DGKI: variants seen among roughly 807,000 people sequenced by gnomAD.
DGKI encodes diacylglycerol kinase iota, also known as DAG kinase iota.
In DGKI, 55 loss-of-function variants were observed where a neutral mutation model predicts 147.5. The observed-to-expected ratio is 0.37, with a 90% confidence interval of 0.30 to 0.47. The LOEUF (loss-of-function observed/expected upper bound fraction) is 0.47. Ranked by LOEUF, DGKI falls within the 20% of genes least tolerant of loss-of-function variation. The pLI is 1.00. For synonymous variants in DGKI, 469 were observed against 477.1 expected, an observed-to-expected ratio of 0.98 and a Z score of 0.22; for missense variants, 1,007 against 1,323.8, an observed-to-expected ratio of 0.76 and a Z score of 3.71.
At chr7:137,416,476 C>T (rs1731970) in intron 28 of DGKI, among the ~76,000 whole-genome samples, 142,753 of 152,238 alleles carry the variant, frequency 0.94, 67,596 homozygotes, top group East Asian at 1. Flanking sequence ...CTTTGTGTTG[C>T]CACATCTGAG....
At chr7:137,836,676 G>C (rs751709777) in intron 1 of DGKI, among the ~76,000 whole-genome samples, 5 of 152,136 alleles carry the variant, frequency 3.3e-5, no homozygotes, top group Non-Finnish European at 7.3e-5. Flanking sequence ...TTGGCCCCAG[G>C]AAACTGGATT....
intron 1 of DGKI, among the ~76,000 whole-genome samples, chr7:137,714,728 T>C (rs912295680): frequency 1.3e-5 from 2 of 152,196 alleles, no homozygotes; most frequent in African/African-American, 4.8e-5. Flanking sequence ...ATATTATCTC[T>C]AAAATTACTC....
At chr7:137,547,532 T>C (rs1817905477) in intron 20 of DGKI, among the ~76,000 whole-genome samples, 1 of 152,212 alleles carries the variant, frequency 6.6e-6, no homozygotes, top group Admixed American at 6.5e-5. Flanking sequence ...ACATTTGATA[T>C]TAGTTTTATA....
chr7:137,485,333 G>C, intron 23 of DGKI, 41 bp downstream of exon 23: 5 of 1,499,218 alleles, frequency 3.3e-6, no homozygotes, highest in Non-Finnish European at 4.6e-6. Context: ...GACTTCATTT[G>C]GCCAGAAGGT....
intron 1 of DGKI, among the ~76,000 whole-genome samples, chr7:137,803,431 A>T (rs1358933661): frequency 6.6e-6 from 1 of 152,182 alleles, no homozygotes; most frequent in African/African-American, 2.4e-5. Flanking sequence ...TGTTAAAAAG[A>T]TCCTCATATG....
At chr7:137,468,024 T>C (rs1211320887) in intron 24 of DGKI, among the ~76,000 whole-genome samples, 2 of 149,950 alleles carry the variant, frequency 1.3e-5, no homozygotes, top group Admixed American at 6.6e-5. Context: ...AAAAGAATTA[T>C]GTGCTTCTCA....
chr7:137,713,763 C>T (rs1794286238), intron 1 of DGKI, among the ~76,000 whole-genome samples: 1 of 152,054 alleles, frequency 6.6e-6, no homozygotes, highest in Non-Finnish European at 1.5e-5. Context: ...CACCTCGGTG[C>T]CTCAAGTAGC....
intron 2 of DGKI, among the ~76,000 whole-genome samples, chr7:137,679,263 TC>T: frequency 6.6e-6 from 1 of 152,332 alleles, no homozygotes; most frequent in Non-Finnish European, 1.5e-5. Flanking sequence ...TCTCAATTTT[TC>T]AAACTAAATG....
chr7:137,681,415 G>A (rs894083619), intron 2 of DGKI, among the ~76,000 whole-genome samples: 3 of 152,160 alleles, frequency 2.0e-5, no homozygotes, highest in African/African-American at 7.2e-5. Flanking sequence ...AAAAAAAGTA[G>A]AAAGGCACTT....
chr7:137,683,645 A>G (rs867741694), intron 2 of DGKI, among the ~76,000 whole-genome samples: 1 of 152,180 alleles, frequency 6.6e-6, no homozygotes, highest in Non-Finnish European at 1.5e-5. Flanking sequence ...TTCTCTACAC[A>G]TGCATCTCGA....
chr7:137,762,334 T>C (rs1196335930), intron 1 of DGKI, among the ~76,000 whole-genome samples: 1 of 152,228 alleles, frequency 6.6e-6, no homozygotes, highest in East Asian at 1.9e-4. Flanking sequence ...GTGATTCTAA[T>C]GATCAGGTAA....
At chr7:137,647,796 G>C (rs1319842851) in intron 5 of DGKI, among the ~76,000 whole-genome samples, 1 of 152,200 alleles carries the variant, frequency 6.6e-6, no homozygotes, top group African/African-American at 2.4e-5. Flanking sequence ...AGGAATAAGG[G>C]TTAGGGAGAA....
chr7:137,398,971 C>A (rs1390137665), intron 30 of DGKI, among the ~76,000 whole-genome samples: 3 of 149,826 alleles, frequency 2.0e-5, no homozygotes, highest in Non-Finnish European at 4.4e-5. Flanking sequence ...TCATCTGGAA[C>A]TACATTTCCT....
At chr7:137,588,621 C>T (rs529771942) in intron 12 of DGKI, among the ~76,000 whole-genome samples, 2 of 152,104 alleles carry the variant, frequency 1.3e-5, no homozygotes, top group East Asian at 3.9e-4. Flanking sequence ...GGACTACAGG[C>T]GTATGCCACC....
At chr7:137,428,476 CT>C (rs2128909866) in intron 28 of DGKI, among the ~76,000 whole-genome samples, 1 of 152,276 alleles carries the variant, frequency 6.6e-6, no homozygotes, top group Non-Finnish European at 1.5e-5. Flanking sequence ...GAAGCATTCC[CT>C]TTGAAAACTG....
At chr7:137,466,876 C>T (rs377516962) in intron 25 of DGKI, 26 bp downstream of exon 25, 90 of 1,613,254 alleles carry the variant, frequency 5.6e-5, no homozygotes, top group Non-Finnish European at 6.7e-5. Context: ...TTTTCACTTT[C>T]ACAAGCAGGC....
At chr7:137,732,271 G>A (rs545582294) in intron 1 of DGKI, among the ~76,000 whole-genome samples, 3 of 152,144 alleles carry the variant, frequency 2.0e-5, no homozygotes, top group African/African-American at 7.2e-5. Context: ...ATTAAATTGA[G>A]TTTCCCCATG....
At chr7:137,640,365 G>C (rs1053901454) in intron 6 of DGKI, among the ~76,000 whole-genome samples, 15 of 152,098 alleles carry the variant, frequency 9.9e-5, no homozygotes, top group African/African-American at 3.6e-4. Context: ...GAAGGGCCAG[G>C]CTTCCAGCAG....
chr7:137,523,105 A>T (rs1221714645), intron 20 of DGKI, among the ~76,000 whole-genome samples: 1 of 152,076 alleles, frequency 6.6e-6, no homozygotes, highest in African/African-American at 2.4e-5. Flanking sequence ...AAGGGAGAGA[A>T]TGAGGGAGGG....
Sources: allele counts gnomAD v4.1 joint callset (sites outside exome capture counted in the v4.1 genomes callset), GRCh38; gene constraint gnomAD v4.1.1; transcripts MANE v1.5; gene names NCBI Gene and HGNC (gene_info 2026-07-23, HGNC 2026-07-21).